Variants in COL19A1 observed in about 807,000 individuals in gnomAD.
COL19A1 encodes the protein collagen alpha-1(XIX) chain.
COL19A1 carries 159 observed loss-of-function variants against 190.2 expected under a neutral mutation model. The observed-to-expected ratio is 0.84, with a 90% CI of 0.73 to 0.95. The LOEUF is 0.95. COL19A1 is among the 40% of genes least tolerant of loss of function. The probability of loss-of-function intolerance (pLI) is 0.00; values close to 1 mark genes in which losing one functional copy is unlikely to be tolerated. For synonymous variants in COL19A1, 509 were observed against 458.9 expected, an observed-to-expected ratio of 1.11 and a Z score of -1.39; for missense variants, 1,418 against 1,431.9, an observed-to-expected ratio of 0.99 and a Z score of 0.16.
intron 15 of COL19A1, among the ~76,000 whole-genome samples, chr6:70,089,937 A>G (rs1468475148): frequency 6.6e-6 from 1 of 152,136 alleles, no homozygotes; most frequent in Non-Finnish European, 1.5e-5. Context: ...AATAGATACT[A>G]TATTCAGTTA....
At chr6:70,113,537 C>T (rs1021240062) in intron 16 of COL19A1, among the ~76,000 whole-genome samples, 3 of 152,158 alleles carry the variant, frequency 2.0e-5, no homozygotes, top group Non-Finnish European at 4.4e-5. Flanking sequence ...GTATTTTATT[C>T]CACCTCCTTT....
intron 15 of COL19A1, among the ~76,000 whole-genome samples, chr6:70,087,990 T>C (rs970596268): frequency 2.0e-5 from 3 of 152,196 alleles, no homozygotes; most frequent in Non-Finnish European, 1.5e-5. Flanking sequence ...AAGAATGTAA[T>C]TGATCACTGG....
chr6:70,127,299 AG>A (rs1785259799), intron 17 of COL19A1, among the ~76,000 whole-genome samples: 1 of 152,174 alleles, frequency 6.6e-6, no homozygotes, highest in Non-Finnish European at 1.5e-5. Flanking sequence ...TGAGAAATGG[AG>A]GCCAGAATGT....
chr6:69,919,964 A>G (rs1236546994), intron 4 of COL19A1, among the ~76,000 whole-genome samples: 2 of 152,076 alleles, frequency 1.3e-5, no homozygotes, highest in Non-Finnish European at 2.9e-5. Context: ...GTATGTGCCA[A>G]TTCTCCCTCA....
At chr6:69,981,966 G>A (rs1776057176) in intron 11 of COL19A1, among the ~76,000 whole-genome samples, 1 of 152,106 alleles carries the variant, frequency 6.6e-6, no homozygotes, top group Non-Finnish European at 1.5e-5. Flanking sequence ...AAGCAGCAAA[G>A]TAGCTGCTAC....
chr6:70,144,984 G>A lies in COL19A1; in HGVS notation c.1747G>A (p.Gly583Arg). The A allele has an allele frequency of 1.9e-6, 3 of 1,592,228 alleles. No homozygotes were observed. The highest frequency in any genetic ancestry group is 2.6e-6 in the Non-Finnish European group (3 of 1,167,720). ...TCCAAAAGGTGAGGCTGGTCCTCCA[G>A]GGAAAAGCCTGCCAGGGGAACCAGT... ...PGPKGEAGPPGKSLPGEPGLD... is the reference protein window; with the variant it reads ...PGPKGEAGPPRKSLPGEPGLD... The change falls in exon 25 of 51, where the codon GGG becomes AGG. Residue 583 changes from glycine (G) to arginine (R), a missense_variant. Physicochemically the swap from Gly to Arg is moderately radical, Grantham distance 125. Transcript: ENST00000620364.
chr6:70,060,384 C>T (rs916020481), intron 14 of COL19A1, among the ~76,000 whole-genome samples: 1 of 152,074 alleles, frequency 6.6e-6, no homozygotes, highest in Non-Finnish European at 1.5e-5. Context: ...CAGCAGGGGT[C>T]CCCAACCCCC....
At chr6:70,184,941 T>TATTC (rs766415163) in intron 46 of COL19A1, 26 bp downstream of exon 46, 1 of 1,601,222 alleles carries the variant, frequency 6.2e-7, no homozygotes, top group African/African-American at 1.3e-5. Context: ...TTGTGATTGT[T>TATTC]ATTCAAGTCT....
intron 4 of COL19A1, among the ~76,000 whole-genome samples, chr6:69,911,925 T>C (rs1423878551): frequency 6.6e-6 from 1 of 152,202 alleles, no homozygotes; most frequent in Non-Finnish European, 1.5e-5. Flanking sequence ...AGGAACAATG[T>C]TACTGTCCAC....
chr6:69,903,770 T>C (rs985437999), intron 4 of COL19A1, among the ~76,000 whole-genome samples: 1 of 152,188 alleles, frequency 6.6e-6, no homozygotes, highest in Non-Finnish European at 1.5e-5. Context: ...CTAGCTTAAA[T>C]GGGCACCTCT....
intron 18 of COL19A1, among the ~76,000 whole-genome samples, chr6:70,131,572 AT>A (rs1281125921): frequency 6.6e-6 from 1 of 152,222 alleles, no homozygotes; most frequent in African/African-American, 2.4e-5. Context: ...GTACATTAAC[AT>A]TATTTCCTGT....
intron 9 of COL19A1, among the ~76,000 whole-genome samples, chr6:69,955,198 T>C (rs981847820): frequency 7.2e-5 from 11 of 152,132 alleles, no homozygotes; most frequent in African/African-American, 2.4e-4. Flanking sequence ...ATCATCACAG[T>C]TACATAGGAG....
At chr6:70,023,742 A>G (rs1294187335) in intron 12 of COL19A1, 62 bp downstream of exon 12, 1 of 1,473,516 alleles carries the variant, frequency 6.8e-7, no homozygotes, top group South Asian at 1.2e-5. Context: ...ATGCTATTTA[A>G]TGCTATTAAG....
Position 69,929,606 on chromosome 6 carries a change from T to C in COL19A1, c.572T>C (p.Leu191Ser). 1 of 1,614,034 alleles carries C rather than the reference T, an allele frequency of 6.2e-7. No individual in the cohort carries two copies. Among genetic ancestry groups the C allele is most frequent in the Non-Finnish European group, 8.5e-7 (1 of 1,179,978 alleles). ...QVISLYMDCN[L>S]IARRQTDEKD... is the part of the protein sequence containing the mutation. ...ATTTCACTTTATATGGATTGTAATTTAATTGCGAGGAGGCAGACTGATGAA... is the reference window on the plus strand; with the variant it reads ...ATTTCACTTTATATGGATTGTAATTCAATTGCGAGGAGGCAGACTGATGAA... The change falls in exon 6 of 51, where the codon TTA becomes TCA. Residue 191 changes from leucine (L) to serine (S), a missense_variant. Leu to Ser is a moderately radical substitution (Grantham distance 145). Coordinates refer to ENST00000620364, the MANE Select transcript of COL19A1 (RefSeq NM_001858.6).
At chr6:70,171,842 T>G in intron 40 of COL19A1, 122 bp from the exon 41 acceptor site, 1 of 759,378 alleles carries the variant, frequency 1.3e-6, no homozygotes, top group Non-Finnish European at 2.3e-6. Context: ...ATCATTTCCT[T>G]GCTAAATTAC....
intron 31 of COL19A1, among the ~76,000 whole-genome samples, chr6:70,154,997 ACACCCT>A (rs984184985): frequency 2.0e-5 from 3 of 152,102 alleles, no homozygotes; most frequent in African/African-American, 7.2e-5. Flanking sequence ...TCCTTTGGCA[ACACCCT>A]CACAGATGCA....
chr6:69,960,293 G>T (rs1398725547), intron 10 of COL19A1, among the ~76,000 whole-genome samples: 1 of 152,094 alleles, frequency 6.6e-6, no homozygotes, highest in Non-Finnish European at 1.5e-5. Flanking sequence ...GTGCTTTCTG[G>T]GGTCCGTGAT....
At chr6:70,124,921 T>C (rs566738924) in intron 17 of COL19A1, among the ~76,000 whole-genome samples, 79 of 152,036 alleles carry the variant, frequency 5.2e-4, no homozygotes, top group African/African-American at 1.9e-3. Context: ...CCAAGAAGGA[T>C]GGAGGTGGTG....
intron 44 of COL19A1, among the ~76,000 whole-genome samples, chr6:70,182,558 G>C (rs975238043): frequency 1.3e-5 from 2 of 152,182 alleles, no homozygotes; most frequent in Non-Finnish European, 2.9e-5. Context: ...TGCTTCAACT[G>C]TTAGGAAGAC....
Sources: gnomAD v4.1 joint callset for allele counts (sites outside exome capture counted in the v4.1 genomes callset) on GRCh38, gnomAD v4.1.1 for gene constraint, MANE v1.5 for transcripts, NCBI Gene and HGNC (gene_info 2026-07-23, HGNC 2026-07-21) for gene names.